LRRC69: variants seen among roughly 807,000 people sequenced by gnomAD.
The protein encoded by LRRC69 is leucine rich repeat containing 69.
In LRRC69, 42 loss-of-function variants were observed where a neutral mutation model predicts 37.8. The observed-to-expected ratio is 1.11, with a 90% CI of 0.87 to 1.44. LRRC69 has a LOEUF of 1.44. Ranked by LOEUF, LRRC69 falls within the 40% of genes most tolerant of loss-of-function variation. LRRC69 has a pLI of 0.00. For missense variants in LRRC69, 357 were observed against 401.9 expected (o/e 0.89, Z 0.96); for synonymous variants, 141 against 143.1 (o/e 0.99, Z 0.11).
intron 7 of LRRC69, among the ~76,000 whole-genome samples, chr8:91,203,208 AGT>A (rs142831953): frequency 6.6e-6 from 1 of 151,426 alleles, no homozygotes; most frequent in African/African-American, 2.4e-5. Context: ...GTTAGCTGTG[AGT>A]GTGTGTGTGG....
chr8:91,218,284 A>G (rs954308322), intron 7 of LRRC69, among the ~76,000 whole-genome samples: 2 of 152,170 alleles, frequency 1.3e-5, no homozygotes, highest in African/African-American at 2.4e-5. Flanking sequence ...GGTTACCATT[A>G]TTTCAAACAT....
At chr8:91,191,048 C>T (rs193075451) in intron 6 of LRRC69, among the ~76,000 whole-genome samples, 1 of 144,500 alleles carries the variant, frequency 6.9e-6, no homozygotes, top group South Asian at 2.4e-4. Context: ...CAAACCCCCC[C>T]CCCCCCAAGT....
chr8:91,182,938 G>A (rs1027160591), intron 5 of LRRC69, among the ~76,000 whole-genome samples: 2 of 152,222 alleles, frequency 1.3e-5, no homozygotes, highest in Non-Finnish European at 2.9e-5. Flanking sequence ...GTAAACTAGG[G>A]AAGGCTTCCT....
Position 91,165,065 on chromosome 8 carries a change from G to A in LRRC69, c.652-24457G>A, listed in dbSNP as rs1809004914. Among the ~76,000 whole-genome samples the A allele has an allele frequency of 2.6e-5, 4 of 151,694 alleles. No individual in the cohort carries two copies. The South Asian group carries it at 8.3e-4, about 31-fold the overall frequency. On this transcript the variant is annotated intron_variant, in intron 5 of 7. Coordinates refer to ENST00000448384, the Ensembl canonical transcript of LRRC69. Reference sequence around the variant, plus strand: ...AGGTTCATTTGAGATGGGAAGGTTGGTGAATAGACATTTTGTGCCTGGTAA... The same window carrying A: ...AGGTTCATTTGAGATGGGAAGGTTGATGAATAGACATTTTGTGCCTGGTAA...
intron 5 of LRRC69, among the ~76,000 whole-genome samples, chr8:91,146,336 G>A (rs1270198411): frequency 6.6e-6 from 1 of 151,792 alleles, no homozygotes; most frequent in Admixed American, 6.6e-5. Flanking sequence ...AGAAGGACAG[G>A]ATCATAAAGT....
chr8:91,156,633 C>A (rs1052835227), intron 5 of LRRC69, among the ~76,000 whole-genome samples: 1 of 150,742 alleles, frequency 6.6e-6, no homozygotes, highest in Non-Finnish European at 1.5e-5. Flanking sequence ...TTTTTTAATT[C>A]TCTTTTTAAA....
At chr8:91,213,685 A>T (rs775250180) in intron 7 of LRRC69, among the ~76,000 whole-genome samples, 7 of 152,192 alleles carry the variant, frequency 4.6e-5, no homozygotes, top group Non-Finnish European at 1.0e-4. Context: ...GGAAGATGAG[A>T]TCACTGTAGG....
intron 3 of LRRC69, among the ~76,000 whole-genome samples, chr8:91,130,576 T>A (rs1421622282): frequency 6.6e-6 from 1 of 151,970 alleles, no homozygotes; most frequent in Non-Finnish European, 1.5e-5. Context: ...TGCCTGGCAG[T>A]TTTTGTTTAT....
Position 91,133,498 on chromosome 8 carries a change from G to A in LRRC69, c.579+193G>A, listed in dbSNP as rs1586236601. The A allele has an allele frequency of 9.2e-6, 4 of 436,126 alleles. No homozygotes were observed. The East Asian group carries it at 1.5e-4, about 16-fold the overall frequency. The allele number at this position is 436,126 out of a possible 1,614,324, so 27.0% of individuals were successfully genotyped here. A position where few individuals can be genotyped will look rare whatever the true frequency, so the allele number is the denominator to read the frequency against. ...TGAATTATCCCACATAGCTAGGGCT[G>A]CCAGATTTAGTAAATACAAATATAG... On this transcript the variant is annotated intron_variant, in intron 4 of 7. Transcript: ENST00000448384.
At chr8:91,202,692 GGAGT>G (rs1809732176) in intron 7 of LRRC69, among the ~76,000 whole-genome samples, 1 of 152,166 alleles carries the variant, frequency 6.6e-6, no homozygotes, top group Non-Finnish European at 1.5e-5. Flanking sequence ...GAGATAGGCA[GGAGT>G]GAGATCACAA....
In LRRC69 at chr8:91,173,337, C is replaced by A. The variant is rs187300797; in HGVS notation, c.652-16185C>A. 3.6e-4 allele frequency among the ~76,000 whole-genome samples: 54 copies of A among 150,996 alleles called. 2 individuals carry two copies. Among genetic ancestry groups the A allele is most frequent in the Non-Finnish European group, 3.1e-4 (21 of 67,926 alleles). On this transcript the variant is annotated intron_variant, in intron 5 of 7. Coordinates refer to ENST00000448384, the Ensembl canonical transcript of LRRC69. ...AAGCTCTTCCTTGGGCTTCCATATT[C>A]ATCCTGGGTCAATGCTTCCTTCCTC... is the stretch of plus-strand genomic sequence containing the variant.
intron 6 of LRRC69, among the ~76,000 whole-genome samples, chr8:91,197,755 G>A (rs1809639872): frequency 6.6e-6 from 1 of 151,934 alleles, no homozygotes; most frequent in African/African-American, 2.4e-5. Flanking sequence ...GCACTCCCTA[G>A]TGAGATGAAC....
chr8:91,102,901 G>C (rs1813245891), intron 1 of LRRC69, 57 bp downstream of exon 1: 5 of 1,440,546 alleles, frequency 3.5e-6, no homozygotes, highest in Non-Finnish European at 4.6e-6. Context: ...AACAGGAAGA[G>C]AGAAAAAAGG....
chr8:91,183,673 A>G (rs528833570), intron 5 of LRRC69, among the ~76,000 whole-genome samples: 3 of 152,322 alleles, frequency 2.0e-5, no homozygotes, highest in East Asian at 1.9e-4. Context: ...GGGGAGCACT[A>G]TTTCATGACT....
chr8:91,169,170 G>T (rs561742103), intron 5 of LRRC69, among the ~76,000 whole-genome samples: 3 of 151,858 alleles, frequency 2.0e-5, no homozygotes, highest in Non-Finnish European at 2.9e-5. Context: ...ACTAAATACT[G>T]CATGTTCTTA....
chr8:91,207,986 A>G (rs951218724), intron 7 of LRRC69, among the ~76,000 whole-genome samples: 5 of 152,292 alleles, frequency 3.3e-5, no homozygotes, highest in South Asian at 2.1e-4. Context: ...CGGCCTCTAC[A>G]TGGCTGGCTC....
chr8:91,157,110 G>A (rs1479548902), intron 5 of LRRC69, among the ~76,000 whole-genome samples: 2 of 150,960 alleles, frequency 1.3e-5, no homozygotes, highest in Non-Finnish European at 3.0e-5. Context: ...GTCTTCTGTG[G>A]TTCCATATAA....
At chr8:91,196,959 C>A (rs1586280761) in intron 6 of LRRC69, among the ~76,000 whole-genome samples, 1 of 151,852 alleles carries the variant, frequency 6.6e-6, no homozygotes, top group East Asian at 1.9e-4. Context: ...TGTTTTTTCC[C>A]CATCTTTGTG....
chr8:91,104,704 T>C (rs578140083), intron 1 of LRRC69, among the ~76,000 whole-genome samples: 1 of 152,154 alleles, frequency 6.6e-6, no homozygotes, highest in East Asian at 1.9e-4. Context: ...CTCTCTTAAA[T>C]TGGACCCACT....
Sources: gnomAD v4.1 joint callset for allele counts (sites outside exome capture counted in the v4.1 genomes callset) on GRCh38, gnomAD v4.1.1 for gene constraint, MANE v1.5 for transcripts, NCBI Gene and HGNC (gene_info 2026-07-23, HGNC 2026-07-21) for gene names.